Variants in CACNA2D3 observed in about 807,000 individuals in gnomAD.
The protein encoded by CACNA2D3 is voltage-dependent calcium channel subunit alpha-2/delta-3.
CACNA2D3 carries 60 observed loss-of-function variants against 160.6 expected under a neutral mutation model. That is an observed-to-expected ratio of 0.37 (90% CI 0.30 to 0.46). The LOEUF (loss-of-function observed/expected upper bound fraction) is 0.46, where lower values mean the gene tolerates loss of function less well. CACNA2D3 is among the 20% of genes least tolerant of loss of function. The probability of loss-of-function intolerance (pLI) is 1.00; values close to 1 mark genes in which losing one functional copy is unlikely to be tolerated. For synonymous variants in CACNA2D3, 558 were observed against 492.9 expected (o/e 1.13, Z -1.75); for missense variants, 1,205 against 1,365.0 (o/e 0.88, Z 1.85).
intron 9 of CACNA2D3, among the ~76,000 whole-genome samples, chr3:54,585,245 A>G (rs563934113): frequency 7.2e-4 from 110 of 152,340 alleles, no homozygotes; most frequent in African/African-American, 2.6e-3. Flanking sequence ...AAAAGTGTGA[A>G]GGGTAAAGGG....
At chr3:54,948,349 T>A (rs1321318633) in intron 27 of CACNA2D3, among the ~76,000 whole-genome samples, 1 of 152,218 alleles carries the variant, frequency 6.6e-6, no homozygotes, top group Non-Finnish European at 1.5e-5. Context: ...AGATTCTTGA[T>A]AATTGTCATT....
chr3:54,785,087 G>A lies in CACNA2D3; in HGVS notation c.1380+20736G>A, dbSNP rs190263772. Among the ~76,000 whole-genome samples the A allele has an allele frequency of 1.5e-4, 23 of 152,304 alleles. No individual in the cohort carries two copies. The South Asian group carries it at 1.9e-3, about 12-fold the overall frequency. ...GCACAGCTGCAAACACCATCCTTCCGCAGGACCACAGTAGCCACCAGCAGA... is the reference window on the plus strand; with the variant it reads ...GCACAGCTGCAAACACCATCCTTCCACAGGACCACAGTAGCCACCAGCAGA... On this transcript the variant is annotated intron_variant, in intron 13 of 37. Coordinates refer to ENST00000474759, the MANE Select transcript of CACNA2D3 (RefSeq NM_018398.3).
intron 4 of CACNA2D3, among the ~76,000 whole-genome samples, chr3:54,410,302 C>T (rs540469992): frequency 1.3e-5 from 2 of 152,018 alleles, no homozygotes; most frequent in Non-Finnish European, 2.9e-5. Flanking sequence ...TGCAGTGCGC[C>T]GAGATTGCGC....
chr3:54,435,984 G>A (rs1050650190), intron 4 of CACNA2D3, among the ~76,000 whole-genome samples: 1 of 152,230 alleles, frequency 6.6e-6, no homozygotes, highest in Non-Finnish European at 1.5e-5. Context: ...GAGTGGGAAC[G>A]ACAGAGGATA....
At chr3:54,266,207 C>T (rs1239584056) in intron 2 of CACNA2D3, among the ~76,000 whole-genome samples, 1 of 152,130 alleles carries the variant, frequency 6.6e-6, no homozygotes, top group East Asian at 1.9e-4. Flanking sequence ...CTCCACTGTG[C>T]ATGAAACTAA....
At position 55,021,647 on chromosome 3, in the gene CACNA2D3, G is replaced by GTATATATATGTGTGTA. The variant is rs1559465921; in HGVS notation, c.2987+3339_2987+3340insGTGTGTATATATATAT. On this transcript the variant is annotated intron_variant, in intron 35 of 37. Coordinates refer to ENST00000474759, the MANE Select transcript of CACNA2D3 (RefSeq NM_018398.3). ...TGTGTATATATATATATATATATGT[G>GTATATATATGTGTGTA]TATATATATATGTGTGTGTATATAT... Among the ~76,000 whole-genome samples, 272 of 140,956 alleles carry GTATATATATGTGTGTA rather than the reference G, an allele frequency of 1.9e-3. 1 individual carries two copies. Among genetic ancestry groups the GTATATATATGTGTGTA allele is most frequent in the Non-Finnish European group, 3.4e-3 (222 of 66,054 alleles). The allele number at this position is 140,956 out of a possible 152,430, so 92.5% of individuals were successfully genotyped here. A position where few individuals can be genotyped will look rare whatever the true frequency, so the allele number is the denominator to read the frequency against.
At chr3:54,327,951 T>C (rs933620728) in intron 3 of CACNA2D3, among the ~76,000 whole-genome samples, 21 of 152,378 alleles carry the variant, frequency 1.4e-4, no homozygotes, top group African/African-American at 5.0e-4. Flanking sequence ...CATGACTGCT[T>C]TCTGGATGTT....
chr3:54,998,310 T>A (rs1338776709), intron 31 of CACNA2D3, among the ~76,000 whole-genome samples: 2 of 151,808 alleles, frequency 1.3e-5, no homozygotes, highest in Non-Finnish European at 2.9e-5. Flanking sequence ...TAATTTGTAT[T>A]TTTAATAGAG....
At chr3:55,033,849 T>A (rs1703751536) in intron 35 of CACNA2D3, among the ~76,000 whole-genome samples, 2 of 106,988 alleles carry the variant, frequency 1.9e-5, no homozygotes, top group African/African-American at 8.1e-5. Flanking sequence ...ATATATTACA[T>A]ATTAAATATA....
At chr3:54,523,684 C>G (rs879350859) in intron 5 of CACNA2D3, among the ~76,000 whole-genome samples, 1 of 151,982 alleles carries the variant, frequency 6.6e-6, no homozygotes, top group Non-Finnish European at 1.5e-5. Context: ...AATTCAATCC[C>G]TTTACTCGTT....
chr3:54,218,079 G>A (rs935780308), intron 2 of CACNA2D3, among the ~76,000 whole-genome samples: 3 of 152,096 alleles, frequency 2.0e-5, no homozygotes, highest in Admixed American at 6.5e-5. Context: ...AGAGAGGTGC[G>A]TTAGAGAGAG....
chr3:54,871,206 C>CAGAG (rs1317576487), intron 17 of CACNA2D3, among the ~76,000 whole-genome samples: 1,208 of 106,446 alleles, frequency 0.011, 21 homozygotes, highest in African/African-American at 0.046. Flanking sequence ...CACACACACA[C>CAGAG]ACACACACAC....
intron 11 of CACNA2D3, among the ~76,000 whole-genome samples, chr3:54,650,448 C>A (rs1456971931): frequency 6.6e-6 from 1 of 152,170 alleles, no homozygotes; most frequent in Non-Finnish European, 1.5e-5. Flanking sequence ...ACTGCAACCT[C>A]CGCCTCCTGG....
intron 27 of CACNA2D3, among the ~76,000 whole-genome samples, chr3:54,963,453 G>T (rs1291392768): frequency 6.6e-6 from 1 of 152,158 alleles, no homozygotes; most frequent in Non-Finnish European, 1.5e-5. Context: ...GCACCCTGTG[G>T]CTACGGAGCA....
chr3:54,711,721 CTG>C (rs1338308617), intron 11 of CACNA2D3, among the ~76,000 whole-genome samples: 1 of 152,144 alleles, frequency 6.6e-6, no homozygotes, highest in African/African-American at 2.4e-5. Flanking sequence ...AGTTGGGACT[CTG>C]GGAAAAAGGA....
chr3:54,226,577 A>C (rs944983393), intron 2 of CACNA2D3, among the ~76,000 whole-genome samples: 3 of 152,140 alleles, frequency 2.0e-5, no homozygotes, highest in Admixed American at 6.5e-5. Context: ...TGTTGGGATT[A>C]CAGGCATGAG....
chr3:55,019,280 A>T (rs1414836426), intron 35 of CACNA2D3, among the ~76,000 whole-genome samples: 1 of 151,548 alleles, frequency 6.6e-6, no homozygotes, highest in Non-Finnish European at 1.5e-5. Flanking sequence ...TCTTCTTCTA[A>T]GTTTTCTTAT....
At chr3:54,376,759 C>T (rs945506060) in intron 3 of CACNA2D3, among the ~76,000 whole-genome samples, 1 of 152,094 alleles carries the variant, frequency 6.6e-6, no homozygotes, top group African/African-American at 2.4e-5. Context: ...AACATTGGCT[C>T]AGAGAGGTAT....
intron 3 of CACNA2D3, among the ~76,000 whole-genome samples, chr3:54,369,147 C>T (rs916736376): frequency 1.8e-4 from 27 of 151,948 alleles, no homozygotes; most frequent in African/African-American, 6.3e-4. Context: ...TGACAGGTCA[C>T]CAAAAGAGTT....
Sources: allele counts gnomAD v4.1 joint callset (sites outside exome capture counted in the v4.1 genomes callset), GRCh38; gene constraint gnomAD v4.1.1; transcripts MANE v1.5; gene names NCBI Gene and HGNC (gene_info 2026-07-23, HGNC 2026-07-21).